The following PIK3C3 variants were observed in gnomAD, a reference collection of about 807,000 sequenced individuals.
The protein encoded by PIK3C3 is phosphatidylinositol 3-kinase catalytic subunit type 3, also known as PI3-kinase type 3.
In PIK3C3, 95 loss-of-function variants were observed where a neutral mutation model predicts 126.1. That is an observed-to-expected ratio of 0.75 (90% CI 0.64 to 0.89). PIK3C3 has a LOEUF of 0.89. Among genes scored for constraint, PIK3C3 ranks in the 40% least tolerant of loss-of-function variants. The pLI is 0.00. For missense variants in PIK3C3, 829 were observed against 1,063.2 expected (o/e 0.78, Z 3.06); for synonymous variants, 374 against 360.0 (o/e 1.04, Z -0.44).
At chr18:42,069,566 T>G (rs1228562243) in intron 24 of PIK3C3, among the ~76,000 whole-genome samples, 1 of 152,264 alleles carries the variant, frequency 6.6e-6, no homozygotes, top group Non-Finnish European at 1.5e-5. Context: ...TTTTTTTCTT[T>G]TTTTAAGCTC....
chr18:41,982,863 A>G (rs1182939544), intron 4 of PIK3C3, among the ~76,000 whole-genome samples: 1 of 152,202 alleles, frequency 6.6e-6, no homozygotes, highest in Non-Finnish European at 1.5e-5. Flanking sequence ...ATGGTGTCTC[A>G]GAATTGTTCC....
chr18:41,989,590 A>G (rs1981673030), intron 5 of PIK3C3, among the ~76,000 whole-genome samples: 1 of 152,188 alleles, frequency 6.6e-6, no homozygotes, highest in Admixed American at 6.6e-5. Flanking sequence ...TTAGATACAC[A>G]GATACCTAAC....
At chr18:42,028,019 G>A (rs575131894) in intron 14 of PIK3C3, among the ~76,000 whole-genome samples, 4 of 152,226 alleles carry the variant, frequency 2.6e-5, no homozygotes, top group African/African-American at 9.6e-5. Context: ...AAAATTATGT[G>A]AATTCAAATT....
intron 16 of PIK3C3, among the ~76,000 whole-genome samples, chr18:42,035,417 G>A (rs898651630): frequency 1.3e-5 from 2 of 152,008 alleles, no homozygotes; most frequent in Non-Finnish European, 2.9e-5. Context: ...ACTATAAGAA[G>A]ATATATCTCC....
rs1448972448 is a variant in PIK3C3 at position 41,992,551 on chromosome 18, G to A, written c.715-719G>A. 3.3e-5 allele frequency among the ~76,000 whole-genome samples: 5 copies of A among 152,170 alleles called. No homozygotes were observed. In the East Asian group the frequency reaches 5.8e-4, roughly 18 times the overall value. On this transcript the variant is annotated intron_variant, in intron 6 of 24. Transcript: ENST00000262039. ...GTGAATTTTGACCTTAATTAGTTTA[G>A]CCTTTTTCCAGTATATTTGGCAGTG... is the stretch of plus-strand genomic sequence containing the variant.
At chr18:42,069,586 A>C (rs587686) in intron 24 of PIK3C3, among the ~76,000 whole-genome samples, 76,578 of 152,028 alleles carry the variant, frequency 0.5, 21,160 homozygotes, top group African/African-American at 0.74. Context: ...CAACTAGTTA[A>C]AACATGCTTG....
intron 20 of PIK3C3, among the ~76,000 whole-genome samples, chr18:42,047,942 A>G (rs1400972049): frequency 6.6e-6 from 1 of 152,226 alleles, no homozygotes; most frequent in Non-Finnish European, 1.5e-5. Flanking sequence ...TTCAAGTCAG[A>G]TGATCTGTGT....
chr18:41,976,481 A>G (rs1478111677), intron 4 of PIK3C3, among the ~76,000 whole-genome samples: 1 of 152,204 alleles, frequency 6.6e-6, no homozygotes, highest in East Asian at 1.9e-4. Context: ...CTTTAATATC[A>G]ACAAAACCTC....
At chr18:42,012,220 A>G (rs1173982818) in intron 10 of PIK3C3, among the ~76,000 whole-genome samples, 1 of 152,122 alleles carries the variant, frequency 6.6e-6, no homozygotes, top group Non-Finnish European at 1.5e-5. Context: ...GCAAGGTACA[A>G]TAAAATGAGT....
intron 10 of PIK3C3, among the ~76,000 whole-genome samples, chr18:42,005,395 T>C (rs2144385271): frequency 6.6e-6 from 1 of 152,350 alleles, no homozygotes; most frequent in South Asian, 2.1e-4. Flanking sequence ...TATGTGGTCC[T>C]GTCTTGGCTG....
Position 42,013,463 on chromosome 18 carries a change from CAA to C in PIK3C3, c.1193_1194del (p.Gln398LeufsTer8), listed in dbSNP as rs1481260218. The C allele has an allele frequency of 5.7e-6, 9 of 1,568,304 alleles. No homozygotes were observed. The Admixed American group carries it at 1.4e-4, about 25-fold the overall frequency. On this transcript the variant is annotated frameshift_variant, in exon 11 of 25. Transcript: ENST00000262039. LOFTEE classifies it high-confidence loss of function. ...CCAGGATTTGTTGATGTACCTATTACAATTGGTCCAGGCTCTCAAATATGAAA... is the reference window on the plus strand; with the variant it reads ...CCAGGATTTGTTGATGTACCTATTACTTGGTCCAGGCTCTCAAATATGAAA... ...DDEDLLMYLL[Q>X]LVQALKYENF...
At chr18:41,981,815 A>G (rs1004532343) in intron 4 of PIK3C3, among the ~76,000 whole-genome samples, 3 of 151,328 alleles carry the variant, frequency 2.0e-5, no homozygotes, top group Non-Finnish European at 4.4e-5. Context: ...CAAAAAAAAA[A>G]AAAAGAAAAA....
chr18:42,078,191 C>G (rs1598964406), intron 24 of PIK3C3, among the ~76,000 whole-genome samples: 1 of 151,396 alleles, frequency 6.6e-6, no homozygotes, highest in Admixed American at 6.6e-5. Context: ...TCCTGGCTAA[C>G]AAGGTGAAAC....
At chr18:41,962,074 A>T (rs919268541) in intron 2 of PIK3C3, among the ~76,000 whole-genome samples, 94 of 152,144 alleles carry the variant, frequency 6.2e-4, no homozygotes, top group African/African-American at 2.1e-3. Flanking sequence ...TTCCTGATTT[A>T]TTCTCAGAAG....
intron 1 of PIK3C3, 62 bp downstream of exon 1, chr18:41,955,421 C>A: frequency 7.1e-7 from 1 of 1,418,218 alleles, no homozygotes; most frequent in Admixed American, 1.7e-5. Context: ...GGGGCAGGGG[C>A]CTGTTGGGAG....
chr18:41,979,209 TGTGTCTAG>T (rs1981078112), intron 4 of PIK3C3, among the ~76,000 whole-genome samples: 1 of 152,146 alleles, frequency 6.6e-6, no homozygotes, highest in Admixed American at 6.5e-5. Flanking sequence ...GATGTTTCAC[TGTGTCTAG>T]ACTGTTTCCA....
intron 4 of PIK3C3, among the ~76,000 whole-genome samples, chr18:41,979,378 G>C (rs190814820): frequency 6.6e-6 from 1 of 152,274 alleles, no homozygotes; most frequent in African/African-American, 2.4e-5. Flanking sequence ...TTTCCCGCTA[G>C]AGATGTGAAT....
intron 4 of PIK3C3, among the ~76,000 whole-genome samples, chr18:41,985,792 A>G (rs984232407): frequency 3.3e-5 from 5 of 152,172 alleles, no homozygotes; most frequent in African/African-American, 9.6e-5. Flanking sequence ...GTATTCAAAT[A>G]GGAAAGCTAA....
At position 42,067,428 on chromosome 18, in the gene PIK3C3, C is replaced by A. The variant is rs1985588416; in HGVS notation, c.2564C>A (p.Ala855Asp). ...KFRLDLSDEE[A>D]VHYMQSLIDE... The stretch of plus-strand genomic sequence containing the variant: ...CGCTTAGACCTGTCGGATGAAGAGG[C>A]TGTGCATTACATGCAGAGTCTGATT... The change falls in exon 24 of 25, where the codon GCT (alanine) becomes GAT (aspartate). Residue 855 changes from alanine (A) to aspartate (D), a missense_variant. Physicochemically the swap from Ala to Asp is moderately radical, Grantham distance 126 (BLOSUM62 -2). Coordinates refer to ENST00000262039, the MANE Select transcript of PIK3C3 (RefSeq NM_002647.4). 1 of 1,613,594 alleles carries A rather than the reference C, an allele frequency of 6.2e-7. No homozygotes were observed.
Sources: allele counts gnomAD v4.1 joint callset (sites outside exome capture counted in the v4.1 genomes callset), GRCh38; gene constraint gnomAD v4.1.1; transcripts MANE v1.5; gene names NCBI Gene and HGNC (gene_info 2026-07-23, HGNC 2026-07-21).